Variants in PCDHGA2 observed in about 807,000 individuals in gnomAD.
PCDHGA2 encodes protocadherin gamma subfamily A, 2, also known as protocadherin gamma-A2.
PCDHGA2 carries 40 observed loss-of-function variants against 59.2 expected under a neutral mutation model. The ratio of observed to expected loss-of-function variants is 0.68; its 90% CI spans 0.52 to 0.88. The LOEUF (loss-of-function observed/expected upper bound fraction) is 0.88, where lower values mean the gene tolerates loss of function less well. PCDHGA2 is among the 40% of genes least tolerant of loss of function. The probability of loss-of-function intolerance (pLI) is 0.00; values close to 1 mark genes in which losing one functional copy is unlikely to be tolerated. For missense variants in PCDHGA2, 1,226 were observed against 1,204.0 expected, an observed-to-expected ratio of 1.02 and a Z score of -0.27; for synonymous variants, 560 against 526.0, an observed-to-expected ratio of 1.06 and a Z score of -0.89.
Position 141,491,763 on chromosome 5 carries a change from T to A in PCDHGA2, c.2425-3044T>A. 1 of 1,570,222 alleles carries A rather than the reference T, an allele frequency of 6.4e-7. No individual in the cohort carries two copies. The highest frequency in any genetic ancestry group is 8.6e-7 in the Non-Finnish European group (1 of 1,159,286). On this transcript the variant is annotated intron_variant, in intron 1 of 3. Transcript: ENST00000394576. This position sits in a 1 kb window ranked among gnomAD's most constrained non-coding sequence, Gnocchi z 6.9. ...GCGGCACTGGAGAAGCCGCCCGTCC[T>A]CATAAGGGATTGAACTTGCATCCAC... is the stretch of plus-strand genomic sequence containing the variant.
At chr5:141,349,264 T>A (rs1758263759) in intron 1 of PCDHGA2, among the ~76,000 whole-genome samples, 1 of 152,124 alleles carries the variant, frequency 6.6e-6, no homozygotes, top group South Asian at 2.1e-4. Flanking sequence ...AGAGATGGCT[T>A]GCACCATGTT....
At chr5:141,481,390 G>A (rs553179819) in intron 1 of PCDHGA2, among the ~76,000 whole-genome samples, 2 of 152,346 alleles carry the variant, frequency 1.3e-5, no homozygotes, top group East Asian at 3.9e-4. Context: ...TTGGAGGGAT[G>A]TGACAAAATT....
At chr5:141,496,588 C>T (rs775641672) in intron 2 of PCDHGA2, among the ~76,000 whole-genome samples, 9 of 152,280 alleles carry the variant, frequency 5.9e-5, no homozygotes, top group Non-Finnish European at 1.0e-4. Context: ...GAACGCAAAG[C>T]GCTTCTTAGA....
At chr5:141,393,348 T>G in intron 1 of PCDHGA2, 1 of 1,613,848 alleles carries the variant, frequency 6.2e-7, no homozygotes, top group Non-Finnish European at 8.5e-7. Context: ...TCACCACTTC[T>G]CCCTGGACGT....
intron 1 of PCDHGA2, among the ~76,000 whole-genome samples, chr5:141,481,655 T>A (rs933683728): frequency 1.3e-5 from 2 of 152,054 alleles, no homozygotes; most frequent in African/African-American, 4.8e-5. Flanking sequence ...TCATCTCTAC[T>A]AATAATACAA....
intron 1 of PCDHGA2, chr5:141,370,553 C>G: frequency 6.2e-7 from 1 of 1,613,810 alleles, no homozygotes; most frequent in Non-Finnish European, 8.5e-7. Context: ...TCGCCAAGGA[C>G]CTGGGGTTTG....
At chr5:141,389,338 T>C in intron 1 of PCDHGA2, 1 of 1,613,982 alleles carries the variant, frequency 6.2e-7, no homozygotes, top group South Asian at 1.1e-5. Flanking sequence ...AACGGCCAAG[T>C]CTCTTACTGC....
intron 1 of PCDHGA2, chr5:141,394,606 C>T (rs747606142): frequency 3.1e-6 from 5 of 1,613,486 alleles, no homozygotes; most frequent in Admixed American, 1.7e-5. Context: ...GACAGAGACT[C>T]GGGCCAGAAC....
intron 1 of PCDHGA2, among the ~76,000 whole-genome samples, chr5:141,461,390 C>T (rs1220034894): frequency 2.0e-5 from 3 of 152,080 alleles, no homozygotes; most frequent in East Asian, 3.9e-4. Context: ...TGATGATTAG[C>T]GATGTTGAGC....
chr5:141,438,807 G>A (rs956766683), intron 1 of PCDHGA2, among the ~76,000 whole-genome samples: 13 of 149,270 alleles, frequency 8.7e-5, no homozygotes, highest in African/African-American at 1.7e-4. Context: ...GATTACAGGC[G>A]CCTGTCACCA....
intron 1 of PCDHGA2, among the ~76,000 whole-genome samples, chr5:141,449,440 C>T (rs2098639026): frequency 6.6e-6 from 1 of 151,742 alleles, no homozygotes; most frequent in Admixed American, 6.6e-5. Flanking sequence ...AACTCCATCT[C>T]TACTAAAAAT....
chr5:141,495,726 C>T (rs2099763293), intron 2 of PCDHGA2, among the ~76,000 whole-genome samples: 1 of 152,070 alleles, frequency 6.6e-6, no homozygotes, highest in Non-Finnish European at 1.5e-5. Flanking sequence ...ACACGGGACC[C>T]TTAGTCTCTT....
chr5:141,435,066 G>A (rs936110088), intron 1 of PCDHGA2, among the ~76,000 whole-genome samples: 3 of 151,920 alleles, frequency 2.0e-5, no homozygotes, highest in African/African-American at 7.3e-5. Context: ...GCAGTTTTGT[G>A]TAGACCGTCT....
chr5:141,469,677 T>C (rs1271778909), intron 1 of PCDHGA2, among the ~76,000 whole-genome samples: 1 of 152,246 alleles, frequency 6.6e-6, no homozygotes, highest in African/African-American at 2.4e-5. Context: ...TAAAACTACA[T>C]ATGCATTGGT....
At chr5:141,474,252 A>T (rs1381172188) in intron 1 of PCDHGA2, among the ~76,000 whole-genome samples, 1 of 152,200 alleles carries the variant, frequency 6.6e-6, no homozygotes, top group Non-Finnish European at 1.5e-5. Flanking sequence ...GGAAAAAAAG[A>T]CTGATAAACC....
chr5:141,424,018 CACAA>C (rs909442976), intron 1 of PCDHGA2: 3 of 1,051,682 alleles, frequency 2.9e-6, no homozygotes, highest in South Asian at 4.6e-5. Context: ...ATTAATGATT[CACAA>C]ACACTTTTTA....
At chr5:141,370,950 C>A in intron 1 of PCDHGA2, 1 of 1,614,002 alleles carries the variant, frequency 6.2e-7, no homozygotes, top group South Asian at 1.1e-5. Context: ...GAAGGAGAAC[C>A]TGGATGGCAG....
chr5:141,382,985 G>A (rs769787880), intron 1 of PCDHGA2: 50 of 1,613,304 alleles, frequency 3.1e-5, no homozygotes, highest in Non-Finnish European at 4.2e-5. Flanking sequence ...GCCTGGGCAG[G>A]ACGTATTCTC....
intron 1 of PCDHGA2, chr5:141,404,445 G>GT: frequency 6.2e-7 from 1 of 1,613,280 alleles, no homozygotes; most frequent in Non-Finnish European, 8.5e-7. Context: ...ACCATCCAAG[G>GT]GTCTCCTCTC....
Sources: gnomAD v4.1 joint callset for allele counts (sites outside exome capture counted in the v4.1 genomes callset) on GRCh38, gnomAD v4.1.1 for gene constraint, Gnocchi (gnomAD v3.1) non-coding constraint, MANE v1.5 for transcripts, NCBI Gene and HGNC (gene_info 2026-07-23, HGNC 2026-07-21) for gene names.